The following PCDHA5 variants were observed in gnomAD, a reference collection of about 807,000 sequenced individuals.
PCDHA5 encodes protocadherin alpha-5.
PCDHA5 carries 43 observed loss-of-function variants against 61.6 expected under a neutral mutation model. That is an observed-to-expected ratio of 0.70 (90% CI 0.55 to 0.90). PCDHA5 has a LOEUF of 0.90. Among genes scored for constraint, PCDHA5 ranks in the 40% least tolerant of loss-of-function variants. The pLI, the probability that PCDHA5 is intolerant of heterozygous loss-of-function variation, is 0.00. For synonymous variants in PCDHA5, 627 were observed against 543.9 expected (o/e 1.15, Z -2.13); for missense variants, 1,298 against 1,222.7 (o/e 1.06, Z -0.92).
At position 140,852,858 on chromosome 5, in the gene PCDHA5, A is replaced by G; in HGVS notation, c.2352+28731A>G. ...TAGAGCTAGTACTTACTAAGCATTT[A>G]CTATGTCATCAATAATCATAAAACG... On this transcript the variant is annotated intron_variant, in intron 1 of 3. Transcript: ENST00000529859. 4 of 962,678 alleles carry G rather than the reference A, an allele frequency of 4.2e-6. 1 individual carries two copies. The highest frequency in any genetic ancestry group is 5.0e-6 in the Non-Finnish European group (4 of 796,824). The allele number at this position is 962,678 out of a possible 1,614,324, so 59.6% of individuals were successfully genotyped here. A position where few individuals can be genotyped will look rare whatever the true frequency, so the allele number is the denominator to read the frequency against.
intron 1 of PCDHA5, chr5:140,884,122 G>A (rs1212118784): frequency 6.2e-7 from 1 of 1,613,306 alleles, no homozygotes; most frequent in East Asian, 2.2e-5. Flanking sequence ...CGGTCGGCGC[G>A]CGCATCCCGT....
intron 1 of PCDHA5, chr5:140,967,771 G>A (rs1554229926): frequency 1.2e-6 from 2 of 1,614,222 alleles, no homozygotes; most frequent in Non-Finnish European, 1.7e-6. Context: ...AGATCTATGT[G>A]CAGGCGACTG....
At chr5:140,969,010 A>C (rs782688503) in intron 1 of PCDHA5, 2 of 1,614,168 alleles carry the variant, frequency 1.2e-6, no homozygotes, top group Admixed American at 3.3e-5. Context: ...TCTGTGGAGT[A>C]AGGGAAAGGT....
At chr5:140,836,620 G>C (rs2150265891) in intron 1 of PCDHA5, 4 of 1,613,468 alleles carry the variant, frequency 2.5e-6, no homozygotes, top group Non-Finnish European at 3.4e-6. Context: ...AGCGCGGTGG[G>C]GAGCTGGTCA....
intron 3 of PCDHA5, among the ~76,000 whole-genome samples, chr5:140,993,462 T>TCTCACA (rs1235362335): frequency 7.1e-6 from 1 of 140,938 alleles, no homozygotes; most frequent in Non-Finnish European, 1.5e-5. Flanking sequence ...TCTTTCTTTC[T>TCTCACA]CACACACACA....
At chr5:140,915,445 G>C (rs2077121673) in intron 1 of PCDHA5, among the ~76,000 whole-genome samples, 1 of 152,024 alleles carries the variant, frequency 6.6e-6, no homozygotes, top group Non-Finnish European at 1.5e-5. Context: ...TTCTTGAGAA[G>C]GTTTTCCAGA....
At chr5:140,849,855 G>T (rs2150454163) in intron 1 of PCDHA5, 3 of 1,598,654 alleles carry the variant, frequency 1.9e-6, no homozygotes, top group Non-Finnish European at 2.6e-6. Flanking sequence ...CAACGCACCA[G>T]CGTTCGCGCA....
intron 1 of PCDHA5, among the ~76,000 whole-genome samples, chr5:140,941,595 A>G (rs1273931279): frequency 6.6e-6 from 1 of 152,016 alleles, no homozygotes; most frequent in Non-Finnish European, 1.5e-5. Context: ...GATTACAGCC[A>G]TGAGCCATGG....
intron 1 of PCDHA5, chr5:140,828,237 C>T (rs2150152822): frequency 1.8e-5 from 29 of 1,613,956 alleles, no homozygotes; most frequent in South Asian, 4.4e-5. Flanking sequence ...GGCCGGATCG[C>T]GCAGGACCTG....
At chr5:140,869,521 C>G (rs782236624) in intron 1 of PCDHA5, 1 of 1,614,182 alleles carries the variant, frequency 6.2e-7, no homozygotes, top group Non-Finnish European at 8.5e-7. Context: ...AGAACAAAAG[C>G]TGCTGATTGC....
intron 1 of PCDHA5, among the ~76,000 whole-genome samples, chr5:140,898,159 G>A (rs377677002): frequency 1.3e-5 from 2 of 151,916 alleles, no homozygotes; most frequent in South Asian, 2.1e-4. Context: ...CGCTGATGGT[G>A]GTTTCTTTTG....
chr5:140,821,893 C>T lies in PCDHA5; in HGVS notation c.118C>T (p.His40Tyr). The change falls in exon 1 of 4, where the codon CAC becomes TAC. Residue 40 changes from histidine (H) to tyrosine (Y), a missense_variant. Coordinates refer to ENST00000529859, the MANE Select transcript of PCDHA5 (RefSeq NM_018908.3). ...LHYSIPEEAK[H>Y]GTFVGRIAQD... ...CTACTCGATCCCGGAGGAAGCCAAA[C>T]ACGGAACCTTCGTTGGCCGCATCGC... is the stretch of plus-strand genomic sequence containing the variant. 6.2e-7 allele frequency: 1 copy of T among 1,614,248 alleles called. No homozygotes were observed. Among genetic ancestry groups the T allele is most frequent in the Non-Finnish European group, 8.5e-7 (1 of 1,180,042 alleles).
At chr5:140,853,717 A>G in intron 1 of PCDHA5, 1 of 988,104 alleles carries the variant, frequency 1.0e-6, no homozygotes, top group Non-Finnish European at 1.2e-6. Context: ...CATTAGCAGC[A>G]CCTAAGTCCT....
At chr5:140,915,753 G>A (rs1196952771) in intron 1 of PCDHA5, among the ~76,000 whole-genome samples, 1 of 151,952 alleles carries the variant, frequency 6.6e-6, no homozygotes, top group Non-Finnish European at 1.5e-5. Context: ...AGCCAGCACA[G>A]CCCTGGGTCT....
chr5:140,844,793 A>G (rs1417087435), intron 1 of PCDHA5, among the ~76,000 whole-genome samples: 1 of 149,016 alleles, frequency 6.7e-6, no homozygotes, highest in Non-Finnish European at 1.5e-5. Context: ...ATCTTTCAAC[A>G]TTTTCTTTCT....
intron 1 of PCDHA5, among the ~76,000 whole-genome samples, chr5:140,833,764 A>ACACG (rs2150211178): frequency 1.9e-3 from 286 of 152,036 alleles, no homozygotes; most frequent in African/African-American, 6.7e-3. Flanking sequence ...ACACACACAC[A>ACACG]CACCGCTTTC....
intron 3 of PCDHA5, among the ~76,000 whole-genome samples, chr5:141,008,000 TA>T (rs2098355741): frequency 6.6e-6 from 1 of 152,264 alleles, no homozygotes; most frequent in Non-Finnish European, 1.5e-5. Context: ...TACATGTTAA[TA>T]AACTTCTGTT....
intron 1 of PCDHA5, among the ~76,000 whole-genome samples, chr5:140,872,922 T>C (rs1468048382): frequency 6.6e-6 from 1 of 152,218 alleles, no homozygotes; most frequent in African/African-American, 2.4e-5. Flanking sequence ...ATGCCTTATC[T>C]CTAATGTTTT....
chr5:140,849,097 A>G, intron 1 of PCDHA5: 2 of 1,481,690 alleles, frequency 1.3e-6, no homozygotes, highest in Non-Finnish European at 9.2e-7. Context: ...AAACTTTTAG[A>G]CAGAGAAGAA....
Sources: gnomAD v4.1 joint callset for allele counts (sites outside exome capture counted in the v4.1 genomes callset) on GRCh38, gnomAD v4.1.1 for gene constraint, MANE v1.5 for transcripts, NCBI Gene and HGNC (gene_info 2026-07-23, HGNC 2026-07-21) for gene names.